The following ACAD11 variants were observed in gnomAD, a reference collection of about 807,000 sequenced individuals.
ACAD11 encodes acyl-Coenzyme A dehydrogenase family, member 11.
ACAD11 carries 83 observed loss-of-function variants against 102.2 expected under a neutral mutation model. The observed-to-expected ratio is 0.81, with a 90% CI of 0.68 to 0.97. ACAD11 has a LOEUF of 0.97. Among genes scored for constraint, ACAD11 ranks in the 50% least tolerant of loss-of-function variants. The pLI is 0.00. For missense variants in ACAD11, 901 were observed against 951.7 expected, an observed-to-expected ratio of 0.95 and a Z score of 0.70; for synonymous variants, 324 against 319.8, an observed-to-expected ratio of 1.01 and a Z score of -0.14.
chr3:132,642,514 A>T (rs1021963267), intron 3 of ACAD11, among the ~76,000 whole-genome samples, 163 bp downstream of exon 3: 12 of 152,222 alleles, frequency 7.9e-5, no homozygotes, highest in African/African-American at 2.9e-4. Flanking sequence ...TCCCTTTGTA[A>T]GTGCTCAAAT....
intron 12 of ACAD11, 62 bp downstream of exon 12, chr3:132,605,036 C>T: frequency 7.9e-7 from 1 of 1,270,892 alleles, no homozygotes; most frequent in Non-Finnish European, 1.1e-6. Flanking sequence ...ATTTCTTCAG[C>T]TCATCCATAA....
intron 13 of ACAD11, among the ~76,000 whole-genome samples, chr3:132,591,582 C>A (rs1198418019): frequency 6.6e-6 from 1 of 152,114 alleles, no homozygotes; most frequent in East Asian, 1.9e-4. Flanking sequence ...CTTCTTACCT[C>A]ATTCTTTCTA....
At chr3:132,595,491 G>T (rs1197621934) in intron 13 of ACAD11, among the ~76,000 whole-genome samples, 2 of 152,080 alleles carry the variant, frequency 1.3e-5, no homozygotes, top group East Asian at 3.8e-4. Context: ...CACAGCAAAA[G>T]AAACTATCAA....
intron 11 of ACAD11, among the ~76,000 whole-genome samples, chr3:132,615,137 G>A (rs1404448609): frequency 2.0e-5 from 3 of 152,114 alleles, no homozygotes; most frequent in East Asian, 1.9e-4. Context: ...ACCATCTCAC[G>A]CCAGTTAGAA....
chr3:132,659,372 G>C (rs1559984351), intron 1 of ACAD11: 1 of 549,020 alleles, frequency 1.8e-6, no homozygotes, highest in Admixed American at 3.9e-5. Flanking sequence ...GATTCCTTTG[G>C]ATAGTAGAAT....
intron 13 of ACAD11, among the ~76,000 whole-genome samples, chr3:132,579,836 C>T (rs977119297): frequency 3.9e-5 from 6 of 152,070 alleles, no homozygotes; most frequent in African/African-American, 1.2e-4. Context: ...CCATTTACAC[C>T]ATTTCAGACA....
intron 1 of ACAD11, among the ~76,000 whole-genome samples, chr3:132,655,910 A>C (rs1439726807): frequency 6.6e-6 from 1 of 152,174 alleles, no homozygotes; most frequent in Non-Finnish European, 1.5e-5. Context: ...AATTTTTGCA[A>C]ATTTTAAAAG....
At chr3:132,656,673 T>C (rs1324515971) in intron 1 of ACAD11, among the ~76,000 whole-genome samples, 1 of 152,038 alleles carries the variant, frequency 6.6e-6, no homozygotes, top group Non-Finnish European at 1.5e-5. Flanking sequence ...TTCGTATTTT[T>C]AGTAGAGACG....
At chr3:132,584,017 G>A (rs951318296) in intron 13 of ACAD11, among the ~76,000 whole-genome samples, 11 of 152,204 alleles carry the variant, frequency 7.2e-5, no homozygotes, top group Non-Finnish European at 7.4e-5. Context: ...GTGTGGTGCT[G>A]AAAAGAATGT....
rs1311197649 is a variant in ACAD11, at chr3:132,641,965, G to T, written c.537+7C>A. ...GAAAAAAATAGCTATTAATGTGGAT[G>T]CATTACCTGTCTTTTGCAGTACCCA... On this transcript the variant is annotated splice_region_variant and intron_variant, in intron 4 of 19. Transcript: ENST00000264990. 5 of 1,591,856 alleles carry T rather than the reference G, an allele frequency of 3.1e-6. No individual in the cohort carries two copies. The South Asian group carries it at 3.4e-5, about 11-fold the overall frequency.
At chr3:132,651,662 A>G (rs1940935789) in intron 1 of ACAD11, among the ~76,000 whole-genome samples, 1 of 152,166 alleles carries the variant, frequency 6.6e-6, no homozygotes, top group Non-Finnish European at 1.5e-5. Context: ...TCCCCCGACC[A>G]TATCCTTTGC....
chr3:132,606,458 T>G (rs944828082), intron 11 of ACAD11, among the ~76,000 whole-genome samples: 1 of 152,196 alleles, frequency 6.6e-6, no homozygotes, highest in African/African-American at 2.4e-5. Context: ...TTTCCAAAAA[T>G]TATCAGTTTC....
chr3:132,620,390 G>A (rs1027931526), intron 9 of ACAD11: 8 of 152,152 alleles, frequency 5.3e-5, no homozygotes, highest in East Asian at 1.9e-4. Context: ...TGGCAGATGC[G>A]AAAACAAATC....
chr3:132,653,289 C>T lies in ACAD11; in HGVS notation c.149+6314G>A, dbSNP rs528033331. ...ATCTTCATTCTCAGCTAATTAATTA[C>T]CTAGGTTCCTATTTCAACGAGCAAA... On this transcript the variant is annotated intron_variant, in intron 1 of 19. Transcript: ENST00000264990. 9.9e-5 allele frequency among the ~76,000 whole-genome samples: 15 copies of T among 152,242 alleles called. No individual in the cohort carries two copies. The East Asian group carries it at 2.7e-3, about 27-fold the overall frequency.
At chr3:132,569,425 C>T (rs1025313871) in intron 17 of ACAD11, among the ~76,000 whole-genome samples, 1 of 152,090 alleles carries the variant, frequency 6.6e-6, no homozygotes, top group Non-Finnish European at 1.5e-5. Context: ...CCAAAAAAAA[C>T]TAAACATGCA....
intron 15 of ACAD11, 69 bp from the exon 16 acceptor site, chr3:132,577,084 G>T: frequency 1.1e-6 from 1 of 892,630 alleles, no homozygotes. Context: ...TTCTTAATCT[G>T]CTGAAATATA....
intron 13 of ACAD11, among the ~76,000 whole-genome samples, chr3:132,592,169 G>A (rs1236264611): frequency 6.6e-6 from 1 of 152,056 alleles, no homozygotes; most frequent in African/African-American, 2.4e-5. Context: ...AGAAAAATGA[G>A]AAAAACCCTT....
intron 5 of ACAD11, among the ~76,000 whole-genome samples, chr3:132,634,940 A>C (rs1940216669): frequency 6.6e-6 from 1 of 151,404 alleles, no homozygotes; most frequent in East Asian, 1.9e-4. Context: ...GCATTAGGAG[A>C]GATACCTAAT....
chr3:132,645,922 T>A (rs1219720274), intron 1 of ACAD11: 1 of 152,138 alleles, frequency 6.6e-6, no homozygotes, highest in East Asian at 1.9e-4. Context: ...CAGGCTATGC[T>A]GTCTTTATTG....
Sources: gnomAD v4.1 joint callset for allele counts (sites outside exome capture counted in the v4.1 genomes callset) on GRCh38, gnomAD v4.1.1 for gene constraint, MANE v1.5 for transcripts, NCBI Gene and HGNC (gene_info 2026-07-23, HGNC 2026-07-21) for gene names.